The following AFG2A variants were observed in gnomAD, a reference collection of about 807,000 sequenced individuals.
AFG2A encodes ATPase family gene 2 protein homolog A.
At chr4:122,938,042 G>A in the AFG2A span, 1 of 1,261,488 alleles carries the variant, frequency 7.9e-7, no homozygotes, top group Non-Finnish European at 1.1e-6. Flanking sequence ...TTGATATGTT[G>A]CATTTCAGTT....
the AFG2A span, among the ~76,000 whole-genome samples, chr4:123,283,694 C>T: frequency 6.6e-6 from 1 of 152,140 alleles, no homozygotes; most frequent in Non-Finnish European, 1.5e-5. Context: ...AGAATAATAC[C>T]TCATGACACA....
the AFG2A span, among the ~76,000 whole-genome samples, chr4:123,076,974 GT>G: frequency 0.022 from 3,180 of 146,492 alleles, 60 homozygotes; most frequent in Non-Finnish European, 0.036. Context: ...GTGTGTGTGT[GT>G]GGTGGTGGTG....
At chr4:123,175,672 A>G in the AFG2A span, among the ~76,000 whole-genome samples, 1 of 152,204 alleles carries the variant, frequency 6.6e-6, no homozygotes, top group African/African-American at 2.4e-5. Flanking sequence ...TTTCAGCTTG[A>G]TAATGTTGTG....
the AFG2A span, among the ~76,000 whole-genome samples, chr4:123,241,110 A>G: frequency 6.6e-6 from 1 of 152,218 alleles, no homozygotes; most frequent in East Asian, 1.9e-4. Context: ...GAATAGACCA[A>G]TAACAGGTTC....
chr4:123,205,533 A>G, the AFG2A span, among the ~76,000 whole-genome samples: 9 of 152,228 alleles, frequency 5.9e-5, no homozygotes, highest in Non-Finnish European at 1.2e-4. Context: ...GTAACTATTT[A>G]CATGGCATTT....
chr4:123,072,407 G>A, the AFG2A span, among the ~76,000 whole-genome samples: 1 of 152,104 alleles, frequency 6.6e-6, no homozygotes, highest in Non-Finnish European at 1.5e-5. Flanking sequence ...GTGAGGCACA[G>A]GTAAACTTCC....
At chr4:123,123,275 A>G in the AFG2A span, among the ~76,000 whole-genome samples, 4 of 152,178 alleles carry the variant, frequency 2.6e-5, no homozygotes, top group South Asian at 2.1e-4. Context: ...TAATAATATC[A>G]TATAATGTTT....
At chr4:123,141,676 C>T in the AFG2A span, among the ~76,000 whole-genome samples, 6 of 151,984 alleles carry the variant, frequency 3.9e-5, no homozygotes, top group African/African-American at 1.5e-4. Flanking sequence ...AATGGAACTC[C>T]GTTGTAAGTA....
chr4:123,308,967 A>ATGTC, the AFG2A span, among the ~76,000 whole-genome samples: 3 of 151,988 alleles, frequency 2.0e-5, no homozygotes, highest in African/African-American at 2.4e-5. Flanking sequence ...CACAAGGAAT[A>ATGTC]TGTCTATATG....
At chr4:122,925,998 T>C in the AFG2A span, among the ~76,000 whole-genome samples, 2 of 152,346 alleles carry the variant, frequency 1.3e-5, no homozygotes, top group South Asian at 4.1e-4. Flanking sequence ...ATGGGGAAAT[T>C]AGATGTTGAC....
the AFG2A span, among the ~76,000 whole-genome samples, chr4:123,197,735 T>C: frequency 1.3e-5 from 2 of 151,642 alleles, no homozygotes; most frequent in Non-Finnish European, 2.9e-5. Flanking sequence ...GCCATTGCAC[T>C]CCAGCCTGGG....
At chr4:123,197,493 C>T in the AFG2A span, among the ~76,000 whole-genome samples, 1 of 152,088 alleles carries the variant, frequency 6.6e-6, no homozygotes, top group South Asian at 2.1e-4. Context: ...ACTTAGGCTG[C>T]GCACAGTGGC....
At chr4:122,979,133 C>A in the AFG2A span, 1 of 1,414,762 alleles carries the variant, frequency 7.1e-7, no homozygotes, top group Non-Finnish European at 9.5e-7. Context: ...CAGCCAGTGT[C>A]TTCACTGTTG....
the AFG2A span, among the ~76,000 whole-genome samples, chr4:123,181,269 C>T: frequency 6.6e-6 from 1 of 151,908 alleles, no homozygotes; most frequent in Admixed American, 6.6e-5. Context: ...CAGGTGTGAG[C>T]CACTGCGCCC....
the AFG2A span, among the ~76,000 whole-genome samples, chr4:123,014,603 T>C: frequency 6.6e-6 from 1 of 152,198 alleles, no homozygotes; most frequent in African/African-American, 2.4e-5. Context: ...TGTAATGTAA[T>C]TATATTTTAG....
chr4:123,202,273 A>G, the AFG2A span, among the ~76,000 whole-genome samples: 29 of 152,072 alleles, frequency 1.9e-4, no homozygotes, highest in Non-Finnish European at 3.7e-4. Flanking sequence ...CATTGCATAT[A>G]CCTGAGTACT....
chr4:122,926,703 T>A, the AFG2A span, among the ~76,000 whole-genome samples: 1 of 152,216 alleles, frequency 6.6e-6, no homozygotes, highest in South Asian at 2.1e-4. Context: ...TTACAATAAA[T>A]TTTATAATGA....
chr4:123,160,827 T>TATAC, the AFG2A span, among the ~76,000 whole-genome samples: 8,694 of 152,208 alleles, frequency 0.057, 424 homozygotes, highest in African/African-American at 0.13. Context: ...GTTTTTTTCT[T>TATAC]ATACATACAT....
the AFG2A span, among the ~76,000 whole-genome samples, chr4:123,031,754 C>T: frequency 3.3e-5 from 5 of 152,240 alleles, no homozygotes; most frequent in Admixed American, 2.6e-4. Context: ...GATAGACTTA[C>T]ACTTCTTCCT....
Sources: gnomAD v4.1 joint callset for allele counts (sites outside exome capture counted in the v4.1 genomes callset) on GRCh38, gnomAD v4.1.1 for gene constraint, MANE v1.5 for transcripts, NCBI Gene and HGNC (gene_info 2026-07-23, HGNC 2026-07-21) for gene names.